Variants in NUDT6 observed in about 807,000 individuals in gnomAD.
NUDT6 encodes the protein nudix hydrolase 6, also known as FAD diphosphatase NUDT6.
A neutral mutation model predicts 36.8 loss-of-function variants in NUDT6; 24 were observed. The ratio of observed to expected loss-of-function variants is 0.65; its 90% CI spans 0.47 to 0.92. NUDT6 has a LOEUF of 0.92. NUDT6 is among the 40% of genes least tolerant of loss of function. NUDT6 has a pLI of 0.00. For synonymous variants in NUDT6, 163 were observed against 157.0 expected (o/e 1.04, Z -0.29); for missense variants, 388 against 392.8 (o/e 0.99, Z 0.10).
upstream of NUDT6, chr4:122,922,654 A>C: frequency 8.2e-7 from 1 of 1,220,218 alleles, no homozygotes; most frequent in South Asian, 1.4e-5. Context: ...ATTTTAGAAG[A>C]GTGCCATCAA....
chr4:122,916,826 C>A (rs1448729806), intron 2 of NUDT6, among the ~76,000 whole-genome samples: 1 of 152,058 alleles, frequency 6.6e-6, no homozygotes. Flanking sequence ...TGCTTCGGGG[C>A]ATTAATAAGG....
rs149304849 is a variant in NUDT6, at chr4:122,895,852, G to C, written c.553+1772C>G. ...AAATGTTTAACTGTTTGTGATGGCA[G>C]TATTCCTAAAGTACATTGCATGTTT... On this transcript the variant is annotated intron_variant, in intron 4 of 4. Coordinates refer to ENST00000304430, the MANE Select transcript of NUDT6 (RefSeq NM_007083.5). 3.5e-4 allele frequency: 54 copies of C among 152,360 alleles called. No homozygotes were observed. The East Asian group carries it at 0.01, about 29-fold the overall frequency. 9.4% of individuals were successfully genotyped at this position (152,360 alleles called of 1,614,324 possible).
chr4:122,904,486 T>C (rs983745223), intron 3 of NUDT6, among the ~76,000 whole-genome samples: 2 of 151,784 alleles, frequency 1.3e-5, no homozygotes, highest in African/African-American at 4.8e-5. Flanking sequence ...TTAGACAGAG[T>C]CTTGCTCTGT....
rs368992215 is a variant in NUDT6 at position 122,917,458 on chromosome 4, C to T, written c.442+43G>A. 3.3e-4 allele frequency: 509 copies of T among 1,522,440 alleles called. 4 individuals carry two copies. The South Asian group carries it at 4.0e-3, about 12-fold the overall frequency. The allele number at this position is 1,522,440 out of a possible 1,614,324, so 94.3% of individuals were successfully genotyped here. ...TGTAACAAGCAAGAAATTGGGTGAA[C>T]GTCTAAAAAGTTAATTCTGCTCATC... On this transcript the variant is annotated intron_variant, in intron 2 of 4. Transcript: ENST00000304430.
chr4:122,900,723 T>G (rs72919823), intron 3 of NUDT6, among the ~76,000 whole-genome samples: 5,266 of 152,144 alleles, frequency 0.035, 291 homozygotes, highest in African/African-American at 0.12. Context: ...TGGGACCTAA[T>G]TGGAACATTC....
chr4:122,893,035 C>G lies in NUDT6; in HGVS notation c.744G>C (p.Trp248Cys). ...TCTTCGCCAGGTCATTGAGATCCAT[C>G]CACTCACATCTTAAGCATTCTTCCT... The part of the protein sequence containing the change: ...FCQEECLRCE[W>C]MDLNDLAKTE... Residue 248 changes from tryptophan to cysteine, a missense_variant, in exon 5 of 5, where the codon TGG (tryptophan) becomes TGC (cysteine). Coordinates refer to ENST00000304430, the MANE Select transcript of NUDT6 (RefSeq NM_007083.5). 1 of 1,614,100 alleles carries G rather than the reference C, an allele frequency of 6.2e-7. No homozygotes were observed.
chr4:122,900,304 T>C (rs1293102722), intron 3 of NUDT6, among the ~76,000 whole-genome samples: 1 of 149,306 alleles, frequency 6.7e-6, no homozygotes. Flanking sequence ...TCCTACACTA[T>C]GCTAAATATT....
chr4:122,903,253 A>G (rs1560768854), intron 3 of NUDT6, among the ~76,000 whole-genome samples: 2 of 152,194 alleles, frequency 1.3e-5, no homozygotes. Flanking sequence ...ATCCACAAAT[A>G]AACTTTCTTA....
intron 4 of NUDT6, chr4:122,894,806 T>C (rs991519881): frequency 1.3e-5 from 2 of 152,242 alleles, no homozygotes; most frequent in African/African-American, 4.8e-5. Context: ...ATAGTAGCAC[T>C]AGTCTTAAAT....
Position 122,922,531 on chromosome 4 carries a change from A to C in NUDT6, c.42T>G (p.Leu14=). ...AAGGCCCGGGGCCGTAGGTTCGGGC[A>C]AGCATCGCGCGCCAGCGGCCCCAGC... is the stretch of plus-strand genomic sequence containing the variant. The part of the protein sequence containing the change: ...PLSWGRWRAM[L]ARTYGPGPSA... Residue 14 remains leucine (L), a synonymous_variant, in exon 1 of 5, where the codon CTT becomes CTG. Coordinates refer to ENST00000304430, the MANE Select transcript of NUDT6 (RefSeq NM_007083.5). 1.2e-6 allele frequency: 2 copies of C among 1,605,096 alleles called. No homozygotes were observed. The highest frequency in any genetic ancestry group is 1.1e-5 in the South Asian group (1 of 90,898).
At position 122,922,501 on chromosome 4, in the gene NUDT6, C is replaced by T; in HGVS notation, c.72G>A (p.Ala24=). The T allele has an allele frequency of 6.2e-7, 1 of 1,610,328 alleles. No homozygotes were observed. Among genetic ancestry groups the T allele is most frequent in the Non-Finnish European group, 8.5e-7 (1 of 1,179,702 alleles). The change falls in exon 1 of 5, where the codon GCG becomes GCA. Residue 24 remains alanine (A), a synonymous_variant. Coordinates refer to ENST00000304430, the MANE Select transcript of NUDT6 (RefSeq NM_007083.5). ...GTGCGCCCGAGGCCCAGCGGTAACCCGCCGAAGGCCCGGGGCCGTAGGTTC... is the reference window on the plus strand; with the variant it reads ...GTGCGCCCGAGGCCCAGCGGTAACCTGCCGAAGGCCCGGGGCCGTAGGTTC... The part of the protein sequence containing the change: ...LARTYGPGPS[A]GYRWASGAQG...
chr4:122,904,850 T>C (rs1374397551), intron 3 of NUDT6, among the ~76,000 whole-genome samples: 3 of 152,186 alleles, frequency 2.0e-5, no homozygotes, highest in Non-Finnish European at 2.9e-5. Context: ...AGGTAATTAA[T>C]ATACAGCACA....
intron 3 of NUDT6, among the ~76,000 whole-genome samples, chr4:122,910,849 A>T (rs886721769): frequency 6.6e-6 from 1 of 152,154 alleles, no homozygotes. Context: ...GGGTCTGCTG[A>T]TTCCGTTTTG....
intron 3 of NUDT6, among the ~76,000 whole-genome samples, chr4:122,905,219 C>T (rs1050272881): frequency 5.3e-5 from 8 of 152,160 alleles, no homozygotes; most frequent in South Asian, 4.1e-4. Flanking sequence ...AGTCCCCACT[C>T]GATCTGGGAA....
intron 3 of NUDT6, among the ~76,000 whole-genome samples, chr4:122,909,553 G>A (rs1727691349): frequency 6.6e-6 from 1 of 152,118 alleles, no homozygotes; most frequent in South Asian, 2.1e-4. Context: ...CTATAACAGA[G>A]GAATAAGTAT....
intron 3 of NUDT6, among the ~76,000 whole-genome samples, chr4:122,911,953 T>G (rs973562492): frequency 6.6e-6 from 1 of 152,196 alleles, no homozygotes; most frequent in East Asian, 1.9e-4. Flanking sequence ...TTTTTACCAT[T>G]ATTTCTAAAC....
intron 3 of NUDT6, among the ~76,000 whole-genome samples, chr4:122,899,588 G>C (rs1365347507): frequency 1.3e-5 from 2 of 152,160 alleles, no homozygotes; most frequent in Non-Finnish European, 2.9e-5. Flanking sequence ...GTAGTGAGAT[G>C]AGCATGTCTT....
intron 3 of NUDT6, among the ~76,000 whole-genome samples, chr4:122,900,059 C>CCCCG (rs1727484609): frequency 1.1e-5 from 1 of 94,772 alleles, no homozygotes; most frequent in Non-Finnish European, 2.3e-5. Flanking sequence ...CCCCCGCCAC[C>CCCCG]CCCCCCCCGG....
In NUDT6 at chr4:122,917,611, A is replaced by T; in HGVS notation, c.332T>A (p.Leu111Gln). 1 of 1,614,224 alleles carries T rather than the reference A, an allele frequency of 6.2e-7. No individual in the cohort carries two copies. Among genetic ancestry groups the T allele is most frequent in the Non-Finnish European group, 8.5e-7 (1 of 1,180,022 alleles). The change falls in exon 2 of 5, where the codon CTG becomes CAG. Residue 111 changes from leucine (L) to glutamine (Q), a missense_variant. Coordinates refer to ENST00000304430, the MANE Select transcript of NUDT6 (RefSeq NM_007083.5). ...QSRFIAPAAS[L>Q]GFCFHHAESD... The stretch of plus-strand genomic sequence containing the variant: ...TTCTGCGTGGTGAAAGCAGAAGCCC[A>T]GGGAAGCAGCAGGGGCAATAAATCG...
Sources: gnomAD v4.1 joint callset for allele counts (sites outside exome capture counted in the v4.1 genomes callset) on GRCh38, gnomAD v4.1.1 for gene constraint, MANE v1.5 for transcripts, NCBI Gene and HGNC (gene_info 2026-07-23, HGNC 2026-07-21) for gene names.